Variants in PTPRF observed in about 807,000 individuals in gnomAD.
PTPRF encodes receptor-type tyrosine-protein phosphatase F.
PTPRF carries 59 observed loss-of-function variants against 201.8 expected under a neutral mutation model. The ratio of observed to expected loss-of-function variants is 0.29; its 90% CI spans 0.24 to 0.36. The LOEUF (loss-of-function observed/expected upper bound fraction) is 0.36, where lower values mean the gene tolerates loss of function less well. Ranked by LOEUF, PTPRF falls within the 10% of genes least tolerant of loss-of-function variation. The probability of loss-of-function intolerance (pLI) is 1.00; values close to 1 mark genes in which losing one functional copy is unlikely to be tolerated. For missense variants in PTPRF, 2,132 were observed against 2,690.5 expected (o/e 0.79, Z 4.59); for synonymous variants, 1,088 against 1,089.7 (o/e 1.00, Z 0.03).
intron 1 of PTPRF, among the ~76,000 whole-genome samples, chr1:43,534,911 A>G (rs575545424): frequency 6.6e-6 from 1 of 152,342 alleles, no homozygotes; most frequent in South Asian, 2.1e-4. Context: ...TCAAATGATT[A>G]TAATAAAAAC....
At position 43,553,465 on chromosome 1, in the gene PTPRF, G is replaced by A. The variant is rs959153948; in HGVS notation, c.92-27G>A. The A allele has an allele frequency of 6.2e-7, 1 of 1,608,922 alleles. No homozygotes were observed. The highest frequency in any genetic ancestry group is 1.3e-5 in the African/African-American group (1 of 74,802). On this transcript the variant is annotated intron_variant, in intron 3 of 33. Coordinates refer to ENST00000359947, the MANE Select transcript of PTPRF (RefSeq NM_002840.5). This position sits in a 1 kb window ranked among gnomAD's most constrained non-coding sequence, Gnocchi z 4.1. ...CCATTCCTATAGTGACTGTGCTGTG[G>A]TGACTTGGTGTCTCCATCTCTTCCA...
intron 14 of PTPRF, among the ~76,000 whole-genome samples, chr1:43,602,436 C>T (rs1330079524): frequency 6.6e-6 from 1 of 152,192 alleles, no homozygotes; most frequent in Non-Finnish European, 1.5e-5. Flanking sequence ...TGCTTTAGGG[C>T]CCAGGCTGGG....
intron 5 of PTPRF, among the ~76,000 whole-genome samples, chr1:43,564,163 C>T (rs1176038258): frequency 1.3e-5 from 2 of 152,116 alleles, no homozygotes; most frequent in East Asian, 3.9e-4. Flanking sequence ...GGAGATGGGC[C>T]CAAGGCTCCC....
At chr1:43,617,121 G>A (rs1372307416) in intron 23 of PTPRF, among the ~76,000 whole-genome samples, 1 of 151,912 alleles carries the variant, frequency 6.6e-6, no homozygotes, top group Non-Finnish European at 1.5e-5. Context: ...CCTGAGAGGG[G>A]GCCACCACCT....
At chr1:43,614,089 C>T (rs975677899) in intron 23 of PTPRF, among the ~76,000 whole-genome samples, 2 of 152,250 alleles carry the variant, frequency 1.3e-5, no homozygotes, top group African/African-American at 4.8e-5. Flanking sequence ...GAGCATCCTG[C>T]AGGCCAGCAC....
chr1:43,560,053 G>T (rs974850122), intron 5 of PTPRF, among the ~76,000 whole-genome samples: 2 of 150,400 alleles, frequency 1.3e-5, no homozygotes, highest in African/African-American at 2.5e-5. Context: ...GTTTGCAGGG[G>T]TGTACAGCAA....
At chr1:43,582,576 C>CG (rs3838475) in intron 7 of PTPRF, 120,132 of 152,380 alleles carry the variant, frequency 0.79, 47,965 homozygotes, top group African/African-American at 0.88. Context: ...GACCTGGCTG[C>CG]GGGCCACAGC....
intron 13 of PTPRF, 125 bp downstream of exon 13, chr1:43,599,038 C>G (rs904147917): frequency 5.6e-6 from 6 of 1,078,580 alleles, no homozygotes; most frequent in Non-Finnish European, 7.8e-6. Context: ...ACTGCCTTTC[C>G]TTGGTTGTGA....
intron 7 of PTPRF, 24 bp downstream of exon 7, chr1:43,578,944 C>T (rs1647122360): frequency 1.9e-6 from 3 of 1,603,872 alleles, no homozygotes; most frequent in African/African-American, 1.3e-5. Context: ...CAGTGCCTGG[C>T]CCCTGTCACC....
chr1:43,529,845 T>C (rs1302307018), upstream of PTPRF, among the ~76,000 whole-genome samples: 2 of 152,172 alleles, frequency 1.3e-5, no homozygotes, highest in Non-Finnish European at 1.5e-5. Flanking sequence ...TTGAGTTTGG[T>C]ATGAGAAGTC....
chr1:43,603,992 G>A lies in PTPRF; in HGVS notation c.2840G>A (p.Arg947His), dbSNP rs749309238. 23 of 1,614,056 alleles carry A rather than the reference G, an allele frequency of 1.4e-5. No homozygotes were observed. The highest frequency in any genetic ancestry group is 2.2e-5 in the East Asian group (1 of 44,894). The part of the protein sequence containing the change: ...DPPVLAERNG[R>H]IISYTVVFRD... ...CCAGTGCTGGCGGAGAGGAACGGGCGCATCATCAGCTACACCGTGGTGTTC... is the reference window on the plus strand; with the variant it reads ...CCAGTGCTGGCGGAGAGGAACGGGCACATCATCAGCTACACCGTGGTGTTC... Residue 947 changes from arginine (R) to histidine (H), a missense_variant, in exon 16 of 34, where the codon CGC (arginine) becomes CAC (histidine). Physicochemically the swap from Arg to His is conservative, Grantham distance 29. This residue lies in a region of PTPRF where 818 missense variants were observed against 915.3 expected (regional missense o/e 0.89). Coordinates refer to ENST00000359947, the MANE Select transcript of PTPRF (RefSeq NM_002840.5). The surrounding 1 kb of genome is among the most constrained non-coding windows in gnomAD (Gnocchi z 5.8).
intron 21 of PTPRF, 48 bp from the exon 22 acceptor site, chr1:43,609,335 C>G (rs1655892818): frequency 6.6e-7 from 1 of 1,515,708 alleles, no homozygotes; most frequent in Admixed American, 1.7e-5. Flanking sequence ...GTGTCACTGT[C>G]TCAGCCTGGA....
chr1:43,537,613 T>A lies in PTPRF; in HGVS notation c.-125-585T>A, dbSNP rs912895881. Among the ~76,000 whole-genome samples the A allele has an allele frequency of 2.6e-5, 4 of 152,210 alleles. No homozygotes were observed. Among genetic ancestry groups the A allele is most frequent in the African/African-American group, 9.7e-5 (4 of 41,448 alleles). On this transcript the variant is annotated intron_variant, in intron 1 of 33. Coordinates refer to ENST00000359947, the MANE Select transcript of PTPRF (RefSeq NM_002840.5). This position sits in a 1 kb window ranked among gnomAD's most constrained non-coding sequence, Gnocchi z 4.8. ...AAATAGTCATGTTTGTGGTCACGGC[T>A]CCAAGCCAAGGTCCAGGCAGGTAGT...
intron 5 of PTPRF, among the ~76,000 whole-genome samples, chr1:43,565,944 C>T (rs538586450): frequency 2.0e-5 from 3 of 152,350 alleles, no homozygotes; most frequent in East Asian, 3.9e-4. Flanking sequence ...GGGGCCCTTC[C>T]TCCCCTTCGG....
At chr1:43,529,418 C>A (rs1643266010), upstream of PTPRF, among the ~76,000 whole-genome samples, 1 of 152,190 alleles carries the variant, frequency 6.6e-6, no homozygotes, top group Non-Finnish European at 1.5e-5. Flanking sequence ...GCAACCATGC[C>A]CTGCACATTA....
At chr1:43,577,190 C>T (rs1646985047) in intron 6 of PTPRF, among the ~76,000 whole-genome samples, 1 of 152,196 alleles carries the variant, frequency 6.6e-6, no homozygotes, top group Non-Finnish European at 1.5e-5. Context: ...TCACCCCACC[C>T]ACACCCCCCT....
chr1:43,615,926 C>A (rs577166480), intron 23 of PTPRF, among the ~76,000 whole-genome samples: 1 of 152,102 alleles, frequency 6.6e-6, no homozygotes, highest in Admixed American at 6.6e-5. Flanking sequence ...TGCCAGTCCC[C>A]GTGCTGGGGA....
intron 3 of PTPRF, among the ~76,000 whole-genome samples, chr1:43,550,245 A>T (rs894906688): frequency 6.6e-5 from 10 of 152,202 alleles, no homozygotes; most frequent in African/African-American, 2.4e-4. Context: ...GGCACAGCCC[A>T]GCCTCCCACG....
At position 43,606,897 on chromosome 1, in the gene PTPRF, G is replaced by A; in HGVS notation, c.3786G>A (p.Leu1262=). ...AGCAGCAGGAGGAGCCGGAGATGCT[G>A]TGGGTGACGGGTCCCGTGCTGGCAG... is the stretch of plus-strand genomic sequence containing the variant. ...PAQQQEEPEM[L]WVTGPVLAVI... The change falls in exon 21 of 34, where the codon CTG becomes CTA. Residue 1262 remains leucine (L), a synonymous_variant. Transcript: ENST00000359947. The A allele has an allele frequency of 1.2e-6, 2 of 1,614,216 alleles. No individual in the cohort carries two copies. The highest frequency in any genetic ancestry group is 1.7e-6 in the Non-Finnish European group (2 of 1,180,042).
Sources: gnomAD v4.1 joint callset for allele counts (sites outside exome capture counted in the v4.1 genomes callset) on GRCh38, gnomAD v4.1.1 for gene constraint, gnomAD v4.1.1 regional missense constraint, Gnocchi (gnomAD v3.1) non-coding constraint, MANE v1.5 for transcripts, NCBI Gene and HGNC (gene_info 2026-07-23, HGNC 2026-07-21) for gene names.